The following DCC variants were observed in gnomAD, a reference collection of about 807,000 sequenced individuals.
The protein encoded by DCC is DCC netrin 1 receptor, also known as netrin receptor DCC.
DCC carries 58 observed loss-of-function variants against 172.5 expected under a neutral mutation model. The ratio of observed to expected loss-of-function variants is 0.34; its 90% CI spans 0.27 to 0.42. The LOEUF (loss-of-function observed/expected upper bound fraction) is 0.42, where lower values mean the gene tolerates loss of function less well. DCC is among the 10% of genes least tolerant of loss of function. DCC has a pLI of 1.00. For missense variants in DCC, 1,740 were observed against 1,791.0 expected (o/e 0.97, Z 0.51); for synonymous variants, 709 against 644.5 (o/e 1.10, Z -1.52).
At chr18:53,371,584 T>C (rs1335479661) in intron 15 of DCC, among the ~76,000 whole-genome samples, 1 of 151,882 alleles carries the variant, frequency 6.6e-6, no homozygotes, top group African/African-American at 2.4e-5. Context: ...CAGAGATAAA[T>C]TAGGGCCCTA....
chr18:53,531,560 C>G lies in DCC; in HGVS notation c.*907C>G, dbSNP rs1190103428. The G allele has an allele frequency of 1.3e-5, 2 of 152,654 alleles. No homozygotes were observed. The highest frequency in any genetic ancestry group is 4.8e-5 in the African/African-American group (2 of 41,454). 9.5% of individuals were successfully genotyped at this position (152,654 alleles called of 1,614,324 possible). A position where few individuals can be genotyped will look rare whatever the true frequency, so the allele number is the denominator to read the frequency against. On this transcript the variant is annotated 3_prime_UTR_variant, in exon 29 of 29. Coordinates refer to ENST00000442544, the MANE Select transcript of DCC (RefSeq NM_005215.4). Reference sequence around the variant, plus strand: ...TTTGGCCAGAAGAATGCCCCCACCCCTTCACCCCATCCCTCCCTGAGTTCT... The same window carrying G: ...TTTGGCCAGAAGAATGCCCCCACCCGTTCACCCCATCCCTCCCTGAGTTCT...
At chr18:53,402,691 T>G in intron 18 of DCC, 95 bp from the exon 19 acceptor site, 2 of 921,440 alleles carry the variant, frequency 2.2e-6, no homozygotes, top group South Asian at 1.3e-5. Flanking sequence ...TACTTCTTGA[T>G]AGATTCTGAA....
chr18:53,531,039 T>C lies in DCC; in HGVS notation c.*386T>C, dbSNP rs955469903. The C allele has an allele frequency of 1.8e-5, 6 of 338,482 alleles. No individual in the cohort carries two copies. Among genetic ancestry groups the C allele is most frequent in the Admixed American group, 3.9e-5 (1 of 25,704 alleles). 21.0% of individuals were successfully genotyped at this position (338,482 alleles called of 1,614,324 possible). On this transcript the variant is annotated 3_prime_UTR_variant, in exon 29 of 29. Coordinates refer to ENST00000442544, the MANE Select transcript of DCC (RefSeq NM_005215.4). Reference sequence around the variant, plus strand: ...CTAGTCTTACAAAATGCAAGTGCATTATTTAAGCCTGTACCATGCCATGGC... The same window carrying C: ...CTAGTCTTACAAAATGCAAGTGCATCATTTAAGCCTGTACCATGCCATGGC...
chr18:52,634,916 C>A (rs190130632), intron 1 of DCC, among the ~76,000 whole-genome samples: 3 of 152,194 alleles, frequency 2.0e-5, no homozygotes, highest in Admixed American at 2.0e-4. Context: ...GGAAACTACT[C>A]CAATAATTCA....
intron 1 of DCC, among the ~76,000 whole-genome samples, chr18:52,700,195 CGCACATACACACAT>C (rs2036087642): frequency 6.8e-6 from 1 of 145,988 alleles, no homozygotes; most frequent in African/African-American, 2.5e-5. Context: ...CGCACACACA[CGCACATACACACAT>C]GCACATGTGC....
intron 5 of DCC, among the ~76,000 whole-genome samples, chr18:52,984,983 T>A (rs542421028): frequency 7.2e-5 from 11 of 152,168 alleles, no homozygotes; most frequent in Non-Finnish European, 1.5e-4. Context: ...TCACTAAGAT[T>A]ACATATTTCT....
intron 1 of DCC, among the ~76,000 whole-genome samples, chr18:52,414,702 C>T (rs896154357): frequency 6.6e-6 from 1 of 152,118 alleles, no homozygotes; most frequent in Non-Finnish European, 1.5e-5. Context: ...ATGTTGTGGT[C>T]ATAGGAACCT....
At chr18:52,415,311 C>CA (rs1318235344) in intron 1 of DCC, among the ~76,000 whole-genome samples, 1 of 149,054 alleles carries the variant, frequency 6.7e-6, no homozygotes, top group Non-Finnish European at 1.5e-5. Context: ...CATAGTGCCT[C>CA]TGATTTCAAG....
At position 53,179,040 on chromosome 18, in the gene DCC, C is replaced by A. The variant is rs2055153328; in HGVS notation, c.1497C>A (p.Thr499=). The part of the protein sequence containing the change: ...VGNLKPEAMY[T]FRVVAYNEWG... ...ACCTGAAGCCAGAAGCCATGTACAC[C>A]TTTCGAGTTGTGGCTTACAATGAAT... The change falls in exon 9 of 29, where the codon ACC becomes ACA. Residue 499 remains threonine (T), a synonymous_variant. Transcript: ENST00000442544. 1 of 1,613,996 alleles carries A rather than the reference C, an allele frequency of 6.2e-7. No individual in the cohort carries two copies. Among genetic ancestry groups the A allele is most frequent in the South Asian group, 1.1e-5 (1 of 91,086 alleles).
chr18:52,643,337 G>A (rs2034948976), intron 1 of DCC, among the ~76,000 whole-genome samples: 1 of 152,090 alleles, frequency 6.6e-6, no homozygotes, highest in Admixed American at 6.6e-5. Flanking sequence ...AATTTTCATG[G>A]TTAAGTCAGA....
chr18:53,338,651 A>AT (rs201512089), intron 14 of DCC, among the ~76,000 whole-genome samples: 6 of 152,182 alleles, frequency 3.9e-5, no homozygotes, highest in South Asian at 4.1e-4. Context: ...AGAAAAAAAT[A>AT]TTTTTTTAAG....
intron 1 of DCC, among the ~76,000 whole-genome samples, chr18:52,422,544 A>G (rs755368093): frequency 2.0e-5 from 3 of 152,196 alleles, no homozygotes; most frequent in Non-Finnish European, 2.9e-5. Flanking sequence ...AGGATATACA[A>G]ACTACAATGA....
intron 3 of DCC, among the ~76,000 whole-genome samples, chr18:52,908,606 G>A (rs953570372): frequency 7.9e-6 from 1 of 126,834 alleles, no homozygotes; most frequent in African/African-American, 2.7e-5. Context: ...AATTTGAAAT[G>A]CAGTTTTAAA....
intron 1 of DCC, among the ~76,000 whole-genome samples, chr18:52,543,736 C>T (rs1356514980): frequency 2.0e-5 from 3 of 152,136 alleles, no homozygotes; most frequent in Non-Finnish European, 4.4e-5. Flanking sequence ...AAAGGTGCCC[C>T]TGACCCTTCT....
intron 1 of DCC, among the ~76,000 whole-genome samples, chr18:52,401,028 C>T (rs1411746048): frequency 6.6e-6 from 1 of 151,886 alleles, no homozygotes; most frequent in Non-Finnish European, 1.5e-5. Flanking sequence ...ACCACCATAG[C>T]ATACTGTGTA....
At chr18:53,261,362 G>A (rs1042574926) in intron 12 of DCC, among the ~76,000 whole-genome samples, 4 of 152,144 alleles carry the variant, frequency 2.6e-5, no homozygotes, top group South Asian at 2.1e-4. Context: ...TCGTGAGGAC[G>A]TTTTGTGTCC....
chr18:53,439,782 T>TTTTTTTTTTTTTG (rs1568133290), intron 22 of DCC, among the ~76,000 whole-genome samples: 1 of 147,190 alleles, frequency 6.8e-6, no homozygotes, highest in Admixed American at 6.7e-5. Context: ...TTTTTTTTTT[T>TTTTTTTTTTTTTG]GAGACGGAGT....
chr18:53,284,435 G>A (rs8098042), intron 12 of DCC, among the ~76,000 whole-genome samples: 6,460 of 152,102 alleles, frequency 0.042, 437 homozygotes, highest in African/African-American at 0.14. Flanking sequence ...AGATCTTATG[G>A]TTTTAAAAAT....
At chr18:53,116,033 C>T (rs551387939) in intron 7 of DCC, among the ~76,000 whole-genome samples, 30 of 151,510 alleles carry the variant, frequency 2.0e-4, no homozygotes, top group Non-Finnish European at 3.8e-4. Context: ...CTGCCAAATC[C>T]TCATAATGGG....
Sources: allele counts gnomAD v4.1 joint callset (sites outside exome capture counted in the v4.1 genomes callset), GRCh38; gene constraint gnomAD v4.1.1; transcripts MANE v1.5; gene names NCBI Gene and HGNC (gene_info 2026-07-23, HGNC 2026-07-21).